DDX6: variants seen among roughly 807,000 people sequenced by gnomAD.
DDX6 encodes DEAD-box helicase 6, also known as probable ATP-dependent RNA helicase DDX6.
In DDX6, 7 loss-of-function variants were observed where a neutral mutation model predicts 60.6. That is an observed-to-expected ratio of 0.12 (90% CI 0.07 to 0.22). DDX6 has a LOEUF of 0.22. Among genes scored for constraint, DDX6 ranks in the 10% least tolerant of loss-of-function variants. DDX6 has a pLI of 1.00. For missense variants in DDX6, 270 were observed against 589.9 expected, an observed-to-expected ratio of 0.46 and a Z score of 5.62; for synonymous variants, 207 against 201.0, an observed-to-expected ratio of 1.03 and a Z score of -0.25.
chr11:118,785,208 T>C (rs567252539), intron 2 of DDX6, among the ~76,000 whole-genome samples: 2 of 152,298 alleles, frequency 1.3e-5, no homozygotes, highest in East Asian at 1.9e-4. Context: ...AAGTAACAAA[T>C]AGCCTACATA....
At chr11:118,768,386 G>C in intron 4 of DDX6, 34 bp from the exon 5 acceptor site, 1 of 1,607,866 alleles carries the variant, frequency 6.2e-7, no homozygotes, top group Non-Finnish European at 8.5e-7. Flanking sequence ...AATTACTTCT[G>C]AATGTAGTAC....
At chr11:118,764,742 T>G (rs1861291388) in intron 6 of DDX6, among the ~76,000 whole-genome samples, 1 of 150,822 alleles carries the variant, frequency 6.6e-6, no homozygotes, top group African/African-American at 2.4e-5. Flanking sequence ...AGGCGGAGAT[T>G]GCAGTGAGTC....
chr11:118,768,114 C>T (rs543746428), intron 5 of DDX6, 109 bp downstream of exon 5: 554 of 1,084,066 alleles, frequency 5.1e-4, no homozygotes, highest in Admixed American at 1.4e-3. Flanking sequence ...AGAAAGAATA[C>T]AAATTTTAGA....
intron 12 of DDX6, among the ~76,000 whole-genome samples, 158 bp downstream of exon 12, chr11:118,755,244 G>T (rs1333499815): frequency 1.3e-5 from 2 of 152,156 alleles, no homozygotes; most frequent in African/African-American, 4.8e-5. Flanking sequence ...AAATGCTACA[G>T]AAGAATTAGA....
At chr11:118,764,821 T>TACACACACACACACACACAC (rs59605753) in intron 6 of DDX6, among the ~76,000 whole-genome samples, 73 of 139,034 alleles carry the variant, frequency 5.3e-4, no homozygotes, top group Non-Finnish European at 8.1e-4. Flanking sequence ...AAAAAAAATA[T>TACACACACACACACACACAC]ACACACACAC....
intron 13 of DDX6, among the ~76,000 whole-genome samples, chr11:118,753,748 A>C (rs556257867): frequency 6.6e-6 from 1 of 152,298 alleles, no homozygotes; most frequent in Admixed American, 6.5e-5. Context: ...CTAGAAATTA[A>C]GAGTAAATGC....
chr11:118,763,368 G>A (rs1402414090), intron 6 of DDX6, 62 bp from the exon 7 acceptor site: 1 of 1,284,866 alleles, frequency 7.8e-7, no homozygotes, highest in Non-Finnish European at 1.1e-6. Flanking sequence ...GAGGATAAAG[G>A]TTTATAATAT....
At chr11:118,756,506 C>A (rs1440019733) in intron 10 of DDX6, among the ~76,000 whole-genome samples, 183 bp from the exon 11 acceptor site, 1 of 152,124 alleles carries the variant, frequency 6.6e-6, no homozygotes, top group East Asian at 1.9e-4. Flanking sequence ...AAACTGTTTA[C>A]TTACGAAATT....
chr11:118,756,661 T>C (rs1860988010), intron 10 of DDX6, among the ~76,000 whole-genome samples: 1 of 152,184 alleles, frequency 6.6e-6, no homozygotes, highest in South Asian at 2.1e-4. Flanking sequence ...TGAGGGGCCA[T>C]ATTTAAAAAT....
intron 2 of DDX6, among the ~76,000 whole-genome samples, chr11:118,782,869 ATCC>A (rs1350134173): frequency 2.6e-5 from 4 of 152,092 alleles, no homozygotes; most frequent in African/African-American, 9.7e-5. Context: ...TGACCTCGTG[ATCC>A]TCCTGCCTTG....
rs1236565504 is a variant in DDX6, at chr11:118,752,073, C to G, written c.*32G>C. 1 of 222,740 alleles carries G rather than the reference C, an allele frequency of 4.5e-6. No individual in the cohort carries two copies. Among genetic ancestry groups the G allele is most frequent in the Admixed American group, 6.0e-5 (1 of 16,596 alleles). The allele number at this position is 222,740 out of a possible 1,614,324, so 13.8% of individuals were successfully genotyped here. ...CAAAACGATGTGTCACAGATCCAAACGAGCCTTTTGTAATTTGTCAAAGCC... is the reference window on the plus strand; with the variant it reads ...CAAAACGATGTGTCACAGATCCAAAGGAGCCTTTTGTAATTTGTCAAAGCC... On this transcript the variant is annotated 3_prime_UTR_variant, in exon 14 of 14. Transcript: ENST00000534980.
At chr11:118,756,677 G>A (rs1860988784) in intron 10 of DDX6, among the ~76,000 whole-genome samples, 1 of 152,178 alleles carries the variant, frequency 6.6e-6, no homozygotes, top group South Asian at 2.1e-4. Flanking sequence ...AAAATCCAGA[G>A]CAGTGCTGTC....
chr11:118,791,289 T>C (rs959601344), upstream of DDX6: 17 of 151,902 alleles, frequency 1.1e-4, no homozygotes, highest in Admixed American at 5.2e-4. Context: ...GCCGCGGCTA[T>C]ATTCGCCGCG....
rs1862263791 is a variant in DDX6, at chr11:118,791,098, C to G, written c.-268G>C. 6.6e-6 allele frequency: 1 copy of G among 152,010 alleles called. No homozygotes were observed. The highest frequency in any genetic ancestry group is 2.1e-4 in the South Asian group (1 of 4,854). The allele number at this position is 152,010 out of a possible 1,614,324, so 9.4% of individuals were successfully genotyped here. ...GGCTCCCCCGGCTGTCCAGCCCTAC[C>G]TCCTCCGCTGCCCGCTCTCGTGGCG... On this transcript the variant is annotated splice_region_variant and 5_prime_UTR_variant, in exon 1 of 14. Coordinates refer to ENST00000534980, the MANE Select transcript of DDX6 (RefSeq NM_004397.6).
intron 1 of DDX6, chr11:118,790,393 C>A (rs757339235): frequency 5.3e-5 from 8 of 152,198 alleles, no homozygotes; most frequent in Non-Finnish European, 7.3e-5. Flanking sequence ...AAATGGACCC[C>A]CTAAACCAGA....
chr11:118,758,157 C>T (rs1285728590), intron 9 of DDX6, among the ~76,000 whole-genome samples: 1 of 152,134 alleles, frequency 6.6e-6, no homozygotes, highest in Non-Finnish European at 1.5e-5. Flanking sequence ...TGCTGAACTA[C>T]CTTGAGTATT....
At chr11:118,761,662 T>C (rs1032121831) in intron 7 of DDX6, among the ~76,000 whole-genome samples, 4 of 152,092 alleles carry the variant, frequency 2.6e-5, no homozygotes, top group African/African-American at 9.7e-5. Flanking sequence ...TTTCAAGTTA[T>C]CCAGCCACTC....
Position 118,752,017 on chromosome 11 carries a change from GA to G in DDX6, c.*87del. 3 of 312,430 alleles carry G rather than the reference GA, an allele frequency of 9.6e-6. No individual in the cohort carries two copies. The highest frequency in any genetic ancestry group is 2.6e-5 in the South Asian group (1 of 38,516). The allele number at this position is 312,430 out of a possible 1,614,324, so 19.4% of individuals were successfully genotyped here. A position where few individuals can be genotyped will look rare whatever the true frequency, so the allele number is the denominator to read the frequency against. ...TCTTCATAGTTCCAAAATAAAAGAT[GA>G]AAAACCCACAAAGAGAGGAGCATTC... On this transcript the variant is annotated 3_prime_UTR_variant, in exon 14 of 14. Coordinates refer to ENST00000534980, the MANE Select transcript of DDX6 (RefSeq NM_004397.6).
chr11:118,779,402 G>T (rs1471098485), intron 4 of DDX6, among the ~76,000 whole-genome samples: 1 of 152,128 alleles, frequency 6.6e-6, no homozygotes, highest in Admixed American at 6.5e-5. Context: ...AATGTTAACT[G>T]AAGGTAACTG....
Sources: gnomAD v4.1 joint callset for allele counts (sites outside exome capture counted in the v4.1 genomes callset) on GRCh38, gnomAD v4.1.1 for gene constraint, MANE v1.5 for transcripts, NCBI Gene and HGNC (gene_info 2026-07-23, HGNC 2026-07-21) for gene names.